REEP6: variants seen among roughly 807,000 people sequenced by gnomAD.
REEP6 encodes the protein receptor accessory protein 6, also known as receptor expression-enhancing protein 6.
A neutral mutation model predicts 22.4 loss-of-function variants in REEP6; 19 were observed. That is an observed-to-expected ratio of 0.85 (90% confidence interval 0.59 to 1.25). The LOEUF is 1.25. Among genes scored for constraint, REEP6 ranks in the 50% most tolerant of loss-of-function variants. The pLI is 0.00. For synonymous variants in REEP6, 121 were observed against 113.6 expected, an observed-to-expected ratio of 1.06 and a Z score of -0.41; for missense variants, 273 against 251.9, an observed-to-expected ratio of 1.08 and a Z score of -0.57.
Position 1,497,147 on chromosome 19 carries a change from C to CT in REEP6, c.518-26dup. The CT allele has an allele frequency of 1.5e-6, 2 of 1,351,496 alleles. No individual in the cohort carries two copies. Among genetic ancestry groups the CT allele is most frequent in the Non-Finnish European group, 2.0e-6 (2 of 1,015,296 alleles). 83.7% of individuals were successfully genotyped at this position (1,351,496 alleles called of 1,614,324 possible). A position where few individuals can be genotyped will look rare whatever the true frequency, so the allele number is the denominator to read the frequency against. ...GGGAGCCCAGGCCTGCCTCACGGCC[C>CT]TCCCCCACCCGCCCCTCTCTCTGCA... On this transcript the variant is annotated intron_variant, in intron 4 of 4. Transcript: ENST00000233596. This position sits in a 1 kb window ranked among gnomAD's most constrained non-coding sequence, Gnocchi z 6.5.
rs768458735 is a variant in REEP6 at position 1,495,518 on chromosome 19, A to C, written c.259A>C (p.Thr87Pro). ...PSKDDDTVWL[T>P]YWVVYALFGL... ...CAAGGACGACGACACTGTGTGGCTC[A>C]CCTACTGGGTGGTGTACGCCCTGTT... The change falls in exon 3 of 5, where the codon ACC (threonine) becomes CCC (proline). Residue 87 changes from threonine to proline, a missense_variant. By Grantham distance (38) the Thr-to-Pro change is conservative. Coordinates refer to ENST00000233596, the MANE Select transcript of REEP6 (RefSeq NM_138393.4). 3 of 1,614,030 alleles carry C rather than the reference A, an allele frequency of 1.9e-6. No individual in the cohort carries two copies. Among genetic ancestry groups the C allele is most frequent in the Admixed American group, 1.7e-5 (1 of 60,022 alleles).
intron 1 of REEP6, among the ~76,000 whole-genome samples, chr19:1,493,138 T>C (rs2084979837): frequency 6.6e-6 from 1 of 151,846 alleles, no homozygotes; most frequent in Non-Finnish European, 1.5e-5. Context: ...TGGGCCTCCC[T>C]CCACAGTTCT....
intron 1 of REEP6, among the ~76,000 whole-genome samples, chr19:1,494,838 C>G (rs902075257): frequency 6.6e-6 from 1 of 152,218 alleles, no homozygotes; most frequent in Non-Finnish European, 1.5e-5. Context: ...GCACACACCG[C>G]CATGCCTGGC....
Position 1,496,386 on chromosome 19 carries a change from C to A in REEP6, c.450C>A (p.Ala150=). The A allele has an allele frequency of 6.2e-7, 1 of 1,613,190 alleles. No individual in the cohort carries two copies. The highest frequency in any genetic ancestry group is 8.5e-7 in the Non-Finnish European group (1 of 1,179,918). ...CGCTGTTCCTAAGGCACCACGGGGC[C>A]GTAGACAGAATCATGAACGACCTCA... is the stretch of plus-strand genomic sequence containing the variant. The part of the protein sequence containing the change: ...VRPLFLRHHG[A]VDRIMNDLSG... The change falls in exon 4 of 5, where the codon GCC becomes GCA. Residue 150 remains alanine (A), a synonymous_variant. Transcript: ENST00000233596.
rs922632541 is a variant in REEP6, at chr19:1,496,276, G to C, written c.349-9G>C. On this transcript the variant is annotated splice_polypyrimidine_tract_variant and intron_variant, in intron 3 of 4. Coordinates refer to ENST00000233596, the MANE Select transcript of REEP6 (RefSeq NM_138393.4). ...TGGGCCCGCGTGTAACTCCTGCCCC[G>C]CCCTGCAGTGCGCCTTCCTGTTGTT... The C allele has an allele frequency of 6.3e-7, 1 of 1,598,892 alleles. No homozygotes were observed. Among genetic ancestry groups the C allele is most frequent in the African/African-American group, 1.3e-5 (1 of 74,854 alleles).
At chr19:1,492,841 G>A (rs2084977473) in intron 1 of REEP6, among the ~76,000 whole-genome samples, 1 of 152,216 alleles carries the variant, frequency 6.6e-6, no homozygotes, top group South Asian at 2.1e-4. Flanking sequence ...CTGGTCCCAT[G>A]TGCAGCGCAG....
chr19:1,497,583 C>T lies in REEP6; in HGVS notation c.*372C>T, dbSNP rs1374985672. ...AGCCCTCCCGTCCTCGGGGCCCCTG[C>T]AGCCACCCAACGTCACCTCCAGCCC... On this transcript the variant is annotated 3_prime_UTR_variant, in exon 5 of 5. Transcript: ENST00000233596. The surrounding 1 kb of genome is among the most constrained non-coding windows in gnomAD (Gnocchi z 6.5). 1 of 549,706 alleles carries T rather than the reference C, an allele frequency of 1.8e-6. No individual in the cohort carries two copies. Among genetic ancestry groups the T allele is most frequent in the South Asian group, 1.5e-5 (1 of 65,264 alleles). 34.1% of individuals were successfully genotyped at this position (549,706 alleles called of 1,614,324 possible).
In REEP6 at chr19:1,491,214, T is replaced by C; in HGVS notation, c.-56T>C. On this transcript the variant is annotated 5_prime_UTR_variant, in exon 1 of 5. Coordinates refer to ENST00000233596, the MANE Select transcript of REEP6 (RefSeq NM_138393.4). This position sits in a 1 kb window ranked among gnomAD's most constrained non-coding sequence, Gnocchi z 5.4. The stretch of plus-strand genomic sequence containing the variant: ...GGAAAGCGGTGCGCGTGCAGCGGGG[T>C]GGGTGCCCTGGTCCGCGGGCGAGCT... The C allele has an allele frequency of 1.6e-6, 2 of 1,247,952 alleles. No individual in the cohort carries two copies. Among genetic ancestry groups the C allele is most frequent in the East Asian group, 3.1e-5 (1 of 31,884 alleles). The allele number at this position is 1,247,952 out of a possible 1,614,324, so 77.3% of individuals were successfully genotyped here.
At chr19:1,496,652 C>T (rs2085010062) in intron 4 of REEP6, 199 bp downstream of exon 4, 3 of 756,616 alleles carry the variant, frequency 4.0e-6, no homozygotes, top group Non-Finnish European at 4.7e-6. Flanking sequence ...CCGGGCCCTC[C>T]ACTCCCCTGG....
Position 1,491,483 on chromosome 19 carries a change from C to A in REEP6, c.115+99C>A. The stretch of plus-strand genomic sequence containing the variant: ...TCCTTCCCCGGCTACGGGGTCCGGT[C>A]CGGCCGGTGGAGCGCGCGAGGTGAC... On this transcript the variant is annotated intron_variant, in intron 1 of 4. Transcript: ENST00000233596. The surrounding 1 kb of genome is among the most constrained non-coding windows in gnomAD (Gnocchi z 5.4). 1.2e-6 allele frequency: 1 copy of A among 857,222 alleles called. No individual in the cohort carries two copies. The highest frequency in any genetic ancestry group is 1.6e-6 in the Non-Finnish European group (1 of 616,216). The allele number at this position is 857,222 out of a possible 1,614,324, so 53.1% of individuals were successfully genotyped here. A position where few individuals can be genotyped will look rare whatever the true frequency, so the allele number is the denominator to read the frequency against.
chr19:1,497,609 G>A lies in REEP6; in HGVS notation c.*398G>A, dbSNP rs569099243. On this transcript the variant is annotated 3_prime_UTR_variant, in exon 5 of 5. Coordinates refer to ENST00000233596, the MANE Select transcript of REEP6 (RefSeq NM_138393.4). The surrounding 1 kb of genome is among the most constrained non-coding windows in gnomAD (Gnocchi z 6.5). ...AGCCACCCAACGTCACCTCCAGCCC[G>A]GTCTCACCCATGGTCCAGTCTCCCA... 4 of 517,688 alleles carry A rather than the reference G, an allele frequency of 7.7e-6. No homozygotes were observed. Among genetic ancestry groups the A allele is most frequent in the South Asian group, 1.5e-5 (1 of 64,962 alleles). 32.1% of individuals were successfully genotyped at this position (517,688 alleles called of 1,614,324 possible).
intron 3 of REEP6, 62 bp from the exon 4 acceptor site, chr19:1,496,223 C>G (rs528569092): frequency 6.6e-4 from 1,023 of 1,543,188 alleles, no homozygotes; most frequent in Non-Finnish European, 8.6e-4. Flanking sequence ...GGTGCAGCCC[C>G]TCTCCCCACC....
chr19:1,493,881 A>C (rs2084985602), intron 1 of REEP6, among the ~76,000 whole-genome samples: 1 of 152,130 alleles, frequency 6.6e-6, no homozygotes, highest in South Asian at 2.1e-4. Context: ...TGAGGTCAGG[A>C]GTTTGAGACC....
rs2145480531 is a variant in REEP6 at position 1,497,421 on chromosome 19, G to A, written c.*210G>A. On this transcript the variant is annotated 3_prime_UTR_variant, in exon 5 of 5. Coordinates refer to ENST00000233596, the MANE Select transcript of REEP6 (RefSeq NM_138393.4). This position sits in a 1 kb window ranked among gnomAD's most constrained non-coding sequence, Gnocchi z 6.5. ...GGCCACCCCCAGCTCTGGATCCCAG[G>A]GCCAGCTGCCCTCTGGCTCTGGCTG... 1 of 713,104 alleles carries A rather than the reference G, an allele frequency of 1.4e-6. No homozygotes were observed. Among genetic ancestry groups the A allele is most frequent in the Non-Finnish European group, 2.6e-6 (1 of 384,140 alleles). The allele number at this position is 713,104 out of a possible 1,614,324, so 44.2% of individuals were successfully genotyped here.
chr19:1,497,132 G>T lies in REEP6; in HGVS notation c.518-42G>T, dbSNP rs189132486. The T allele has an allele frequency of 4.8e-5, 64 of 1,340,562 alleles. No homozygotes were observed. The Admixed American group carries it at 1.7e-3, about 36-fold the overall frequency. 83.0% of individuals were successfully genotyped at this position (1,340,562 alleles called of 1,614,324 possible). On this transcript the variant is annotated intron_variant, in intron 4 of 4. Coordinates refer to ENST00000233596, the MANE Select transcript of REEP6 (RefSeq NM_138393.4). The surrounding 1 kb of genome is among the most constrained non-coding windows in gnomAD (Gnocchi z 6.5). ...CTGCGAGCAGCTCCGGGGAGCCCAG[G>T]CCTGCCTCACGGCCCTCCCCCACCC... is the stretch of plus-strand genomic sequence containing the variant.
In REEP6 at chr19:1,491,485, G is replaced by A; in HGVS notation, c.115+101G>A. 1.2e-6 allele frequency: 1 copy of A among 804,060 alleles called. No individual in the cohort carries two copies. The highest frequency in any genetic ancestry group is 1.8e-6 in the Non-Finnish European group (1 of 570,622). 49.8% of individuals were successfully genotyped at this position (804,060 alleles called of 1,614,324 possible). On this transcript the variant is annotated intron_variant, in intron 1 of 4. Coordinates refer to ENST00000233596, the MANE Select transcript of REEP6 (RefSeq NM_138393.4). This position sits in a 1 kb window ranked among gnomAD's most constrained non-coding sequence, Gnocchi z 5.4. ...CTTCCCCGGCTACGGGGTCCGGTCC[G>A]GCCGGTGGAGCGCGCGAGGTGACTG...
At chr19:1,493,202 G>A (rs2084980781) in intron 1 of REEP6, among the ~76,000 whole-genome samples, 1 of 152,164 alleles carries the variant, frequency 6.6e-6, no homozygotes, top group Non-Finnish European at 1.5e-5. Context: ...GGATTTAGGG[G>A]AGGGACGCCC....
At chr19:1,495,195 TGAC>T (rs1412589593) in intron 1 of REEP6, 96 bp from the exon 2 acceptor site, 1 of 1,129,120 alleles carries the variant, frequency 8.9e-7, no homozygotes. Context: ...TGGGAGGAGG[TGAC>T]GGTTGCAGTC....
chr19:1,496,018 C>A, intron 3 of REEP6: 1 of 556,022 alleles, frequency 1.8e-6, no homozygotes, highest in Non-Finnish European at 3.2e-6. Flanking sequence ...GGGCCCACCC[C>A]TAAAGTGTGT....
Sources: gnomAD v4.1 joint callset for allele counts (sites outside exome capture counted in the v4.1 genomes callset) on GRCh38, gnomAD v4.1.1 for gene constraint, Gnocchi (gnomAD v3.1) non-coding constraint, MANE v1.5 for transcripts, NCBI Gene and HGNC (gene_info 2026-07-23, HGNC 2026-07-21) for gene names.